MTHFSD: variants seen among roughly 807,000 people sequenced by gnomAD.
MTHFSD encodes methenyltetrahydrofolate synthetase domain containing.
Under a neutral mutation model 31.1 loss-of-function variants are expected in MTHFSD, and 37 were observed. That is an observed-to-expected ratio of 1.19 (90% CI 0.91 to 1.56). The LOEUF is 1.56. MTHFSD is among the 40% of genes most tolerant of loss of function. The probability of loss-of-function intolerance (pLI) is 0.00; values close to 1 mark genes in which losing one functional copy is unlikely to be tolerated. For missense variants in MTHFSD, 664 were observed against 510.1 expected, an observed-to-expected ratio of 1.30 and a Z score of -2.91; for synonymous variants, 221 against 206.9, an observed-to-expected ratio of 1.07 and a Z score of -0.59.
At chr16:86,543,079 A>G (rs1024416181) in intron 5 of MTHFSD, among the ~76,000 whole-genome samples, 1 of 152,286 alleles carries the variant, frequency 6.6e-6, no homozygotes, top group African/African-American at 2.4e-5. Flanking sequence ...AACAAGAGAA[A>G]GAAAATTCAA....
intron 3 of MTHFSD, among the ~76,000 whole-genome samples, chr16:86,551,068 T>C (rs1015994455): frequency 2.0e-5 from 3 of 152,236 alleles, no homozygotes; most frequent in Admixed American, 1.3e-4. Context: ...AGCAAAACCA[T>C]ATCAACCATT....
intron 7 of MTHFSD, chr16:86,535,620 T>A: frequency 3.3e-6 from 2 of 601,908 alleles, no homozygotes; most frequent in Non-Finnish European, 4.2e-6. Context: ...GAATAAACTT[T>A]AAGTTTAAAA....
chr16:86,541,716 A>G lies in MTHFSD; in HGVS notation c.662T>C (p.Met221Thr), dbSNP rs1346224624. The G allele has an allele frequency of 1.9e-6, 3 of 1,613,610 alleles. No individual in the cohort carries two copies. The South Asian group carries it at 3.3e-5, about 18-fold the overall frequency. Residue 221 changes from methionine to threonine, a missense_variant, in exon 7 of 8, where the codon ATG becomes ACG. Coordinates refer to ENST00000360900, the MANE Select transcript of MTHFSD (RefSeq NM_001159377.2). ...IATGCKRPKPMGITWFKISLE... is the reference protein window; with the variant it reads ...IATGCKRPKPTGITWFKISLE... ...ACCCACCTTGAACCAGGTGATTCCC[A>G]TTGGCTTTGGGCGCTTGCAGCCTGT...
intron 7 of MTHFSD, chr16:86,535,511 T>A: frequency 2.0e-6 from 2 of 985,368 alleles, no homozygotes; most frequent in Non-Finnish European, 2.4e-6. Context: ...TTACATTCTG[T>A]CAATCTGGCA....
chr16:86,532,795 G>A (rs972649303), intron 7 of MTHFSD: 4 of 223,822 alleles, frequency 1.8e-5, no homozygotes, highest in Non-Finnish European at 3.5e-5. Context: ...AAGCAGGAAA[G>A]TAAAGCTGGG....
intron 1 of MTHFSD, 182 bp downstream of exon 1, chr16:86,554,987 T>A: frequency 7.4e-7 from 1 of 1,352,902 alleles, no homozygotes; most frequent in Non-Finnish European, 9.8e-7. Flanking sequence ...TTTCTCGGGA[T>A]TCCGGGCGAG....
intron 4 of MTHFSD, chr16:86,547,969 T>C (rs1972574451): frequency 8.7e-7 from 1 of 1,145,112 alleles, no homozygotes; most frequent in Non-Finnish European, 1.2e-6. Flanking sequence ...ATTTGTACAC[T>C]TGGTTTTACT....
intron 3 of MTHFSD, 74 bp from the exon 4 acceptor site, chr16:86,548,651 C>T: frequency 8.0e-7 from 1 of 1,243,838 alleles, no homozygotes; most frequent in Non-Finnish European, 1.1e-6. Context: ...GTATTTTTAC[C>T]ATTTCAGGAG....
intron 5 of MTHFSD, among the ~76,000 whole-genome samples, chr16:86,544,708 A>G (rs951309774): frequency 5.3e-5 from 8 of 152,256 alleles, no homozygotes; most frequent in African/African-American, 1.9e-4. Flanking sequence ...ATTACTGGGT[A>G]TATACCCAAA....
chr16:86,535,358 C>T, intron 7 of MTHFSD: 2 of 985,416 alleles, frequency 2.0e-6, no homozygotes, highest in Non-Finnish European at 2.4e-6. Context: ...GCCACTCTGC[C>T]AGCAGCTGGA....
chr16:86,531,033 C>T lies in MTHFSD; in HGVS notation c.*978G>A, dbSNP rs549959792. On this transcript the variant is annotated 3_prime_UTR_variant, in exon 8 of 8. Coordinates refer to ENST00000360900, the MANE Select transcript of MTHFSD (RefSeq NM_001159377.2). This position sits in a 1 kb window ranked among gnomAD's most constrained non-coding sequence, Gnocchi z 5.5. The stretch of plus-strand genomic sequence containing the variant: ...TTTTCTTGAAAGCGCGTGCACGGGC[C>T]GCCCTCTCGAGGCATCGTAATGTGC... The T allele has an allele frequency of 1.3e-3, 193 of 152,248 alleles. 1 individual carries two copies. Among genetic ancestry groups the T allele is most frequent in the African/African-American group, 4.4e-3 (183 of 41,536 alleles). 9.4% of individuals were successfully genotyped at this position (152,248 alleles called of 1,614,324 possible).
chr16:86,540,591 C>T, intron 7 of MTHFSD: 1 of 848,274 alleles, frequency 1.2e-6, no homozygotes, highest in Non-Finnish European at 1.4e-6. Context: ...CTTGTGCAAC[C>T]TTCCCACCAT....
intron 7 of MTHFSD, chr16:86,535,209 G>GGA (rs397824095): frequency 2.8e-5 from 28 of 984,578 alleles, no homozygotes; most frequent in Non-Finnish European, 3.4e-5. Flanking sequence ...ATCCGCAGGG[G>GGA]CCGTTAGAAT....
intron 7 of MTHFSD, chr16:86,535,096 C>A: frequency 2.7e-6 from 1 of 368,864 alleles, no homozygotes. Context: ...ACAGGGAGCT[C>A]CTTTATTCTG....
chr16:86,554,528 G>T, intron 2 of MTHFSD, 117 bp downstream of exon 2: 1 of 823,458 alleles, frequency 1.2e-6, no homozygotes, highest in Non-Finnish European at 2.0e-6. Context: ...TCACACCACT[G>T]CTCACTGCTC....
intron 1 of MTHFSD, 144 bp downstream of exon 1, chr16:86,555,025 C>A: frequency 6.9e-7 from 1 of 1,440,038 alleles, no homozygotes; most frequent in Non-Finnish European, 9.1e-7. Flanking sequence ...CCGAACCCAG[C>A]ACAGACCCCC....
rs376953204 is a variant in MTHFSD at position 86,541,688 on chromosome 16, G to T, written c.681+9C>A. On this transcript the variant is annotated intron_variant, in intron 7 of 7. Coordinates refer to ENST00000360900, the MANE Select transcript of MTHFSD (RefSeq NM_001159377.2). ...CTACAGGCCAGAGCTGGCCACTGCC[G>T]TGACCCACCTTGAACCAGGTGATTC... 2 of 1,611,614 alleles carry T rather than the reference G, an allele frequency of 1.2e-6. No individual in the cohort carries two copies. Among genetic ancestry groups the T allele is most frequent in the East Asian group, 2.2e-5 (1 of 44,850 alleles).
chr16:86,538,231 C>T (rs74853699), intron 7 of MTHFSD, among the ~76,000 whole-genome samples: 2 of 1,138 alleles, frequency 1.8e-3, no homozygotes, highest in South Asian at 0.026. Flanking sequence ...TCATTCCTGC[C>T]CCCAGCTCAG....
intron 6 of MTHFSD, 114 bp from the exon 7 acceptor site, chr16:86,541,936 CTG>C: frequency 6.8e-7 from 1 of 1,467,436 alleles, no homozygotes; most frequent in Non-Finnish European, 9.3e-7. Context: ...CAAATCCACT[CTG>C]GGGCTAAGGC....
Sources: gnomAD v4.1 joint callset for allele counts (sites outside exome capture counted in the v4.1 genomes callset) on GRCh38, gnomAD v4.1.1 for gene constraint, Gnocchi (gnomAD v3.1) non-coding constraint, MANE v1.5 for transcripts, NCBI Gene and HGNC (gene_info 2026-07-23, HGNC 2026-07-21) for gene names.